Variants in RPS6KA2 observed in about 807,000 individuals in gnomAD.
RPS6KA2 encodes the protein ribosomal protein S6 kinase alpha-2.
In RPS6KA2, 42 loss-of-function variants were observed where a neutral mutation model predicts 91.8. The ratio of observed to expected loss-of-function variants is 0.46; its 90% CI spans 0.36 to 0.59. RPS6KA2 has a LOEUF of 0.59. Ranked by LOEUF, RPS6KA2 falls within the 20% of genes least tolerant of loss-of-function variation. The pLI, the probability that RPS6KA2 is intolerant of heterozygous loss-of-function variation, is 0.00. For synonymous variants in RPS6KA2, 414 were observed against 393.6 expected (o/e 1.05, Z -0.61); for missense variants, 798 against 978.5 (o/e 0.82, Z 2.46).
At chr6:166,800,572 G>A (rs573271053) in intron 2 of RPS6KA2, among the ~76,000 whole-genome samples, 3 of 152,280 alleles carry the variant, frequency 2.0e-5, no homozygotes, top group South Asian at 2.1e-4. Context: ...TCTGGAGGAC[G>A]CAGCAACAGG....
At chr6:166,462,741 G>C (rs769023007) in intron 11 of RPS6KA2, among the ~76,000 whole-genome samples, 2 of 152,186 alleles carry the variant, frequency 1.3e-5, no homozygotes, top group Non-Finnish European at 2.9e-5. Context: ...GAGGAAGCCC[G>C]CCTCTGCTTT....
chr6:166,623,752 G>GGCA (rs1271358677), intron 1 of RPS6KA2, among the ~76,000 whole-genome samples: 2 of 152,104 alleles, frequency 1.3e-5, no homozygotes, highest in Non-Finnish European at 2.9e-5. Context: ...ACCTTTCTGG[G>GGCA]GCACACCCAT....
chr6:166,702,531 C>T, intron 2 of RPS6KA2: 1 of 1,451,628 alleles, frequency 6.9e-7, no homozygotes, highest in South Asian at 1.1e-5. Context: ...CCACTCCATA[C>T]TGGACTAGTC....
At chr6:166,461,380 G>A (rs13207237) in intron 11 of RPS6KA2, among the ~76,000 whole-genome samples, 18,100 of 151,914 alleles carry the variant, frequency 0.12, 1,428 homozygotes, top group East Asian at 0.42. Flanking sequence ...CGGGTGCCAC[G>A]AACAGGCCAG....
chr6:166,735,105 C>T (rs1562407906), intron 2 of RPS6KA2, among the ~76,000 whole-genome samples: 1 of 152,272 alleles, frequency 6.6e-6, no homozygotes, highest in East Asian at 1.9e-4. Flanking sequence ...CTGAGAAGGC[C>T]CTAAGCGTGT....
intron 2 of RPS6KA2, among the ~76,000 whole-genome samples, chr6:166,819,112 A>C (rs551140005): frequency 6.6e-6 from 1 of 152,262 alleles, no homozygotes; most frequent in East Asian, 1.9e-4. Context: ...CATCATTTGA[A>C]GGTGCCTTCT....
intron 2 of RPS6KA2, among the ~76,000 whole-genome samples, chr6:166,683,120 C>T (rs1326556891): frequency 6.6e-6 from 1 of 152,176 alleles, no homozygotes; most frequent in Admixed American, 6.5e-5. Context: ...CCAAGCGCTG[C>T]TCAGGGGTCA....
intron 1 of RPS6KA2, among the ~76,000 whole-genome samples, chr6:166,591,204 C>A (rs892267397): frequency 6.6e-6 from 1 of 152,228 alleles, no homozygotes; most frequent in South Asian, 2.1e-4. Context: ...TCAGCAAACA[C>A]ACCCTCCACG....
intron 1 of RPS6KA2, among the ~76,000 whole-genome samples, chr6:166,614,821 T>C (rs60145177): frequency 0.13 from 20,330 of 152,210 alleles, 1,427 homozygotes; most frequent in Non-Finnish European, 0.17. Flanking sequence ...AGACCTCCTC[T>C]GCCTCCTCTC....
chr6:166,748,552 GC>G (rs377455304), intron 2 of RPS6KA2, among the ~76,000 whole-genome samples: 3,454 of 92,642 alleles, frequency 0.037, 83 homozygotes, highest in East Asian at 0.057. Flanking sequence ...ATCCCCTTGG[GC>G]CCCCACCTCC....
intron 2 of RPS6KA2, among the ~76,000 whole-genome samples, chr6:166,766,838 T>A (rs1164594518): frequency 1.3e-5 from 2 of 152,248 alleles, no homozygotes; most frequent in Non-Finnish European, 2.9e-5. Flanking sequence ...TGCTCCTTTT[T>A]AGCTGCTGGT....
At chr6:166,531,178 G>T in intron 3 of RPS6KA2, 54 bp downstream of exon 3, 1 of 1,134,770 alleles carries the variant, frequency 8.8e-7, no homozygotes, top group Non-Finnish European at 1.3e-6. Context: ...AAATAACGGA[G>T]TAGAAATTGC....
rs542230172 is a variant in RPS6KA2 at position 166,689,086 on chromosome 6, C to T, written c.124-150302G>A. Reference sequence around the variant, plus strand: ...GAAGGCCAGCCCTGAGCAGGTCCTCCCCACTCGCCCAGGTGAGCAGGGCTC... The same window carrying T: ...GAAGGCCAGCCCTGAGCAGGTCCTCTCCACTCGCCCAGGTGAGCAGGGCTC... On this transcript the variant is annotated intron_variant, in intron 2 of 21. Transcript: ENST00000503859. Among the ~76,000 whole-genome samples the T allele has an allele frequency of 2.0e-5, 3 of 152,370 alleles. No individual in the cohort carries two copies. The East Asian group carries it at 5.8e-4, about 29-fold the overall frequency.
At chr6:166,413,144 G>C (rs1370665367) in intron 20 of RPS6KA2, among the ~76,000 whole-genome samples, 1 of 152,120 alleles carries the variant, frequency 6.6e-6, no homozygotes, top group Non-Finnish European at 1.5e-5. Context: ...TGTGCCTTGG[G>C]GGAAAATGTT....
intron 12 of RPS6KA2, among the ~76,000 whole-genome samples, chr6:166,458,946 A>C (rs548624834): frequency 3.9e-5 from 6 of 152,242 alleles, no homozygotes; most frequent in Admixed American, 3.9e-4. Flanking sequence ...CTAGACCCCA[A>C]GAGTAATTTC....
At chr6:166,510,495 G>A (rs1407932736) in intron 3 of RPS6KA2, 138 bp from the exon 4 acceptor site, 1 of 394,240 alleles carries the variant, frequency 2.5e-6, no homozygotes, top group Non-Finnish European at 4.5e-6. Context: ...TGAAAAAGTT[G>A]TACAATAATC....
At chr6:166,759,066 CGT>C (rs3066763) in intron 2 of RPS6KA2, among the ~76,000 whole-genome samples, 79,206 of 151,496 alleles carry the variant, frequency 0.52, 22,600 homozygotes, top group South Asian at 0.68. Context: ...ATGTTGCATT[CGT>C]GTGTGTGTGT....
chr6:166,822,879 C>A (rs1779937783), intron 2 of RPS6KA2, among the ~76,000 whole-genome samples: 1 of 152,220 alleles, frequency 6.6e-6, no homozygotes, highest in African/African-American at 2.4e-5. Context: ...GATTTTTAGA[C>A]AGAATGTTGT....
chr6:166,783,541 T>C (rs189155457), intron 2 of RPS6KA2, among the ~76,000 whole-genome samples: 23 of 152,032 alleles, frequency 1.5e-4, no homozygotes, highest in Non-Finnish European at 2.6e-4. Flanking sequence ...ACAAATGACA[T>C]AGATATATGC....
Sources: allele counts gnomAD v4.1 joint callset (sites outside exome capture counted in the v4.1 genomes callset), GRCh38; gene constraint gnomAD v4.1.1; transcripts MANE v1.5; gene names NCBI Gene and HGNC (gene_info 2026-07-23, HGNC 2026-07-21).